Variants in FNTA observed in about 807,000 individuals in gnomAD.
FNTA encodes farnesyltransferase, CAAX box, subunit alpha.
FNTA carries 27 observed loss-of-function variants against 55.2 expected under a neutral mutation model. The ratio of observed to expected loss-of-function variants is 0.49; its 90% CI spans 0.36 to 0.67. FNTA has a LOEUF of 0.67. Ranked by LOEUF, FNTA falls within the 30% of genes least tolerant of loss-of-function variation. FNTA has a pLI of 0.00. For missense variants in FNTA, 422 were observed against 464.7 expected, an observed-to-expected ratio of 0.91 and a Z score of 0.85; for synonymous variants, 176 against 170.7, an observed-to-expected ratio of 1.03 and a Z score of -0.24.
chr8:43,061,403 T>C (rs1810526199), intron 2 of FNTA, among the ~76,000 whole-genome samples: 1 of 152,232 alleles, frequency 6.6e-6, no homozygotes, highest in South Asian at 2.1e-4. Context: ...TCCACCTGTG[T>C]AAAATGAGGA....
chr8:43,058,430 A>G (rs1810460977), intron 1 of FNTA, among the ~76,000 whole-genome samples: 1 of 152,138 alleles, frequency 6.6e-6, no homozygotes, highest in Non-Finnish European at 1.5e-5. Context: ...ATGCTGACTG[A>G]CTCAAAGAAT....
chr8:43,066,948 A>G (rs1375783735), intron 3 of FNTA, among the ~76,000 whole-genome samples: 1 of 152,244 alleles, frequency 6.6e-6, no homozygotes, highest in Non-Finnish European at 1.5e-5. Context: ...AGGCAGGGGA[A>G]GATGGTAGGA....
chr8:43,082,969 C>A, intron 6 of FNTA, 149 bp from the exon 7 acceptor site: 1 of 461,898 alleles, frequency 2.2e-6, no homozygotes, highest in Non-Finnish European at 3.9e-6. Flanking sequence ...TGACTTGAAC[C>A]TGGGAGGCGG....
chr8:43,059,975 T>G (rs1238785973), intron 2 of FNTA, among the ~76,000 whole-genome samples: 1 of 152,212 alleles, frequency 6.6e-6, no homozygotes, highest in Non-Finnish European at 1.5e-5. Context: ...AAGCTTAATA[T>G]GTGATAAAAA....
chr8:43,071,899 T>C (rs1810801067), intron 4 of FNTA, among the ~76,000 whole-genome samples: 1 of 152,176 alleles, frequency 6.6e-6, no homozygotes. Context: ...TAATAGCACA[T>C]TTTGTCTTGT....
intron 6 of FNTA, 78 bp downstream of exon 6, chr8:43,077,442 G>A: frequency 1.5e-5 from 18 of 1,167,684 alleles, no homozygotes; most frequent in East Asian, 2.4e-5. Context: ...TGGGGATACA[G>A]CAGATCAAGA....
chr8:43,059,803 G>A (rs933964256), intron 2 of FNTA, among the ~76,000 whole-genome samples: 1 of 34,514 alleles, frequency 2.9e-5, no homozygotes, highest in African/African-American at 5.4e-5. Context: ...TTTTACAAAA[G>A]CATTTTTTTT....
chr8:43,068,519 T>A (rs1810712348), intron 3 of FNTA, among the ~76,000 whole-genome samples: 1 of 152,192 alleles, frequency 6.6e-6, no homozygotes, highest in Admixed American at 6.5e-5. Flanking sequence ...ATGTTTATAA[T>A]AGAATTAATT....
At chr8:43,077,067 T>G in intron 5 of FNTA, 149 bp from the exon 6 acceptor site, 1 of 502,882 alleles carries the variant, frequency 2.0e-6, no homozygotes, top group Non-Finnish European at 3.5e-6. Context: ...CCCCTCTATT[T>G]CCTTTACTTG....
At chr8:43,077,750 G>A (rs1279293542) in intron 6 of FNTA, 1 of 154,956 alleles carries the variant, frequency 6.5e-6, no homozygotes, top group African/African-American at 2.4e-5. Flanking sequence ...GTTTTGTAGG[G>A]TATTTAGCAG....
At chr8:43,084,969 T>G in intron 8 of FNTA, 88 bp downstream of exon 8, 1 of 1,372,310 alleles carries the variant, frequency 7.3e-7, no homozygotes, top group Non-Finnish European at 1.0e-6. Context: ...CCTTTCAACA[T>G]CGTTCCTCAG....
chr8:43,069,722 G>C (rs1479907074), intron 4 of FNTA, 63 bp downstream of exon 4: 1 of 943,402 alleles, frequency 1.1e-6, no homozygotes, highest in Non-Finnish European at 1.7e-6. Context: ...TCGGCTCACT[G>C]CAGCCTCTGC....
intron 5 of FNTA, among the ~76,000 whole-genome samples, chr8:43,073,822 C>T (rs1476820653): frequency 6.6e-6 from 1 of 152,106 alleles, no homozygotes; most frequent in South Asian, 2.1e-4. Flanking sequence ...ACAGGACAGT[C>T]CCCCACAACA....
At chr8:43,073,588 G>A (rs1586658817) in intron 5 of FNTA, 1 of 152,122 alleles carries the variant, frequency 6.6e-6, no homozygotes, top group African/African-American at 2.4e-5. Context: ...TGCATAATTT[G>A]TGATAGGGGG....
rs944098176 is a variant in FNTA at position 43,056,325 on chromosome 8, C to T, written c.-22C>T. ...GGAGGGGCGGGGCCTCCGCCACCAC[C>T]TCAGCTGCGGACCGAGGCGAGATGG... On this transcript the variant is annotated 5_prime_UTR_variant, in exon 1 of 9. Transcript: ENST00000302279. The T allele has an allele frequency of 2.2e-6, 3 of 1,393,692 alleles. No homozygotes were observed. Among genetic ancestry groups the T allele is most frequent in the African/African-American group, 3.0e-5 (2 of 65,928 alleles). 86.3% of individuals were successfully genotyped at this position (1,393,692 alleles called of 1,614,324 possible).
At chr8:43,059,302 A>G in intron 2 of FNTA, 125 bp downstream of exon 2, 1 of 648,060 alleles carries the variant, frequency 1.5e-6, no homozygotes, top group South Asian at 2.1e-5. Flanking sequence ...ACTTAAGATG[A>G]GTTAATTTTG....
At chr8:43,075,644 G>GGTCTCTACGAAAACTACAAAAATTAGCC (rs1181607048) in intron 5 of FNTA, among the ~76,000 whole-genome samples, 1 of 151,812 alleles carries the variant, frequency 6.6e-6, no homozygotes, top group Non-Finnish European at 1.5e-5. Context: ...GGTAAAACCT[G>GGTCTCTACGAAAACTACAAAAATTAGCC]GTCTCTACGA....
intron 5 of FNTA, among the ~76,000 whole-genome samples, chr8:43,072,736 AAAAC>A (rs1389684418): frequency 1.3e-5 from 2 of 152,286 alleles, no homozygotes; most frequent in African/African-American, 2.4e-5. Flanking sequence ...ATTTTAAAAA[AAAAC>A]AAACATTATT....
At chr8:43,081,192 A>G (rs771038694) in intron 6 of FNTA, 14 of 152,178 alleles carry the variant, frequency 9.2e-5, no homozygotes, top group Non-Finnish European at 2.1e-4. Flanking sequence ...TAAAAAGTCA[A>G]AGTCTTTTAC....
Sources: gnomAD v4.1 joint callset for allele counts (sites outside exome capture counted in the v4.1 genomes callset) on GRCh38, gnomAD v4.1.1 for gene constraint, MANE v1.5 for transcripts, NCBI Gene and HGNC (gene_info 2026-07-23, HGNC 2026-07-21) for gene names.